Variants in PLEKHA2 observed in about 807,000 individuals in gnomAD.
PLEKHA2 encodes pleckstrin homology domain containing A2.
In PLEKHA2, 28 loss-of-function variants were observed where a neutral mutation model predicts 53.2. The ratio of observed to expected loss-of-function variants is 0.53; its 90% confidence interval spans 0.39 to 0.72. The LOEUF is 0.72. Ranked by LOEUF, PLEKHA2 falls within the 30% of genes least tolerant of loss-of-function variation. The pLI is 0.00. For missense variants in PLEKHA2, 426 were observed against 537.9 expected, an observed-to-expected ratio of 0.79 and a Z score of 2.06; for synonymous variants, 193 against 196.4, an observed-to-expected ratio of 0.98 and a Z score of 0.14.
chr8:38,945,166 A>G (rs1219278607), intron 4 of PLEKHA2, among the ~76,000 whole-genome samples: 1 of 152,368 alleles, frequency 6.6e-6, no homozygotes, highest in Middle Eastern at 3.4e-3. Context: ...ATGTTCTCAC[A>G]GCTGTGCTAA....
rs770387052 is a variant in PLEKHA2 at position 38,969,470 on chromosome 8, G to C, written c.965G>C (p.Ser322Thr). ...TCTTTGACCCGACCTGGAAGCTCCA[G>C]CCTTTCAAGTGGGCCCAACTCTATC... ...SISLTRPGSS[S>T]LSSGPNSILC... The change falls in exon 12 of 12, where the codon AGC becomes ACC. Residue 322 changes from serine to threonine, a missense_variant. Physicochemically the swap from Ser to Thr is moderately conservative, Grantham distance 58. Coordinates refer to ENST00000617275, the MANE Select transcript of PLEKHA2 (RefSeq NM_021623.2). 6 of 1,613,770 alleles carry C rather than the reference G, an allele frequency of 3.7e-6. No homozygotes were observed. In the East Asian group the frequency reaches 1.3e-4, roughly 36 times the overall value.
intron 10 of PLEKHA2, among the ~76,000 whole-genome samples, chr8:38,965,627 A>T (rs1835121986): frequency 6.6e-6 from 1 of 152,102 alleles, no homozygotes; most frequent in African/African-American, 2.4e-5. Context: ...CCTTTTTTTT[A>T]ACCTCCAAAT....
chr8:38,928,810 G>A lies in PLEKHA2; in HGVS notation c.142-7184G>A, dbSNP rs183859524. The stretch of plus-strand genomic sequence containing the variant: ...GAGAATGGGGAGAGTAGCTATCAGC[G>A]TGTCGTGTGTCCCCGCGTTAGCATC... On this transcript the variant is annotated intron_variant, in intron 2 of 11. Transcript: ENST00000617275. Among the ~76,000 whole-genome samples the A allele has an allele frequency of 5.3e-5, 8 of 152,280 alleles. No homozygotes were observed. The South Asian group carries it at 1.4e-3, about 28-fold the overall frequency.
intron 1 of PLEKHA2, among the ~76,000 whole-genome samples, chr8:38,902,543 G>A (rs982578411): frequency 6.6e-6 from 1 of 152,176 alleles, no homozygotes. Context: ...GTGGCTCTGG[G>A]GGCTCTGAAG....
intron 2 of PLEKHA2, among the ~76,000 whole-genome samples, chr8:38,918,799 C>G (rs556834990): frequency 6.6e-6 from 1 of 151,990 alleles, no homozygotes; most frequent in African/African-American, 2.4e-5. Context: ...TACACACATA[C>G]TATACACACC....
rs1269383963 is a variant in PLEKHA2, at chr8:38,971,211, A to T, written c.*1428A>T. On this transcript the variant is annotated 3_prime_UTR_variant, in exon 12 of 12. Transcript: ENST00000617275. Reference sequence around the variant, plus strand: ...CACACTGAGAACTTTTTCTGACTGCACTGCTTTGGAGCTATTCATTTAAAT... The same window carrying T: ...CACACTGAGAACTTTTTCTGACTGCTCTGCTTTGGAGCTATTCATTTAAAT... 1 of 152,452 alleles carries T rather than the reference A, an allele frequency of 6.6e-6. No individual in the cohort carries two copies. The highest frequency in any genetic ancestry group is 1.5e-5 in the Non-Finnish European group (1 of 68,084). 9.4% of individuals were successfully genotyped at this position (152,452 alleles called of 1,614,324 possible).
At chr8:38,958,547 C>T (rs112991094) in intron 10 of PLEKHA2, among the ~76,000 whole-genome samples, 2,117 of 152,260 alleles carry the variant, frequency 0.014, 22 homozygotes, top group Admixed American at 0.026. Flanking sequence ...GAGCCCAGCA[C>T]GTGTTTGAGT....
chr8:38,929,027 T>C (rs1016040039), intron 2 of PLEKHA2, among the ~76,000 whole-genome samples: 16 of 152,180 alleles, frequency 1.1e-4, no homozygotes, highest in African/African-American at 3.9e-4. Flanking sequence ...TGTCACACCG[T>C]TCTCCTACAT....
intron 10 of PLEKHA2, among the ~76,000 whole-genome samples, chr8:38,959,130 A>T (rs1367764701): frequency 6.6e-6 from 1 of 151,980 alleles, no homozygotes; most frequent in Admixed American, 6.6e-5. Context: ...TGGGTAGGGG[A>T]ATACAAAATA....
At position 38,929,421 on chromosome 8, in the gene PLEKHA2, T is replaced by C. The variant is rs541043850; in HGVS notation, c.142-6573T>C. On this transcript the variant is annotated intron_variant, in intron 2 of 11. Coordinates refer to ENST00000617275, the MANE Select transcript of PLEKHA2 (RefSeq NM_021623.2). ...TAACCCTGCTGGTCCTGCTTTTGTA[T>C]TTACCTTTCATTGATAATCAGCTCT... Among the ~76,000 whole-genome samples the C allele has an allele frequency of 5.9e-5, 9 of 152,372 alleles. No individual in the cohort carries two copies. In the South Asian group the frequency reaches 1.9e-3, roughly 32 times the overall value.
chr8:38,930,411 C>T (rs1009084780), intron 2 of PLEKHA2, among the ~76,000 whole-genome samples: 1 of 152,116 alleles, frequency 6.6e-6, no homozygotes, highest in African/African-American at 2.4e-5. Flanking sequence ...ACCATGTTGG[C>T]CAGGCTGGTC....
chr8:38,908,920 G>A (rs1237258426), intron 1 of PLEKHA2, among the ~76,000 whole-genome samples: 1 of 152,162 alleles, frequency 6.6e-6, no homozygotes, highest in Non-Finnish European at 1.5e-5. Context: ...CAAGGTGGGT[G>A]GATCATGATG....
intron 3 of PLEKHA2, 40 bp downstream of exon 3, chr8:38,936,090 A>G: frequency 6.3e-7 from 1 of 1,595,378 alleles, no homozygotes; most frequent in Non-Finnish European, 8.6e-7. Context: ...ATGCTCTGTA[A>G]GTCGATCTGG....
chr8:38,943,300 G>A (rs537997336), intron 3 of PLEKHA2, among the ~76,000 whole-genome samples: 43 of 151,982 alleles, frequency 2.8e-4, no homozygotes, highest in African/African-American at 9.9e-4. Flanking sequence ...GGGCAACATA[G>A]CAAGACCCTG....
intron 3 of PLEKHA2, among the ~76,000 whole-genome samples, chr8:38,939,363 C>G (rs1834555952): frequency 6.6e-6 from 1 of 152,052 alleles, no homozygotes; most frequent in Admixed American, 6.5e-5. Context: ...TGCAGTGAGC[C>G]AATCAGGGCA....
chr8:38,909,532 T>C lies in PLEKHA2; in HGVS notation c.-24+8087T>C, dbSNP rs78049637. Among the ~76,000 whole-genome samples, 98 of 152,326 alleles carry C rather than the reference T, an allele frequency of 6.4e-4. 2 individuals are homozygous for C. In the East Asian group the frequency reaches 0.019, roughly 29 times the overall value. On this transcript the variant is annotated intron_variant, in intron 1 of 11. Coordinates refer to ENST00000617275, the MANE Select transcript of PLEKHA2 (RefSeq NM_021623.2). ...GGGTCTGGGTCCCAGCTGTCTCTTG[T>C]ATATTATGAGCCTTGCAAAGTTATC...
At position 38,971,605 on chromosome 8, in the gene PLEKHA2, T is replaced by C. The variant is rs541281666; in HGVS notation, c.*1822T>C. ...TCACGGAAAAGATGTCCTCTTTTGG[T>C]GTATACATTGTGAAAATCTACCCAT... On this transcript the variant is annotated 3_prime_UTR_variant, in exon 12 of 12. Transcript: ENST00000617275. 6.6e-5 allele frequency: 10 copies of C among 152,208 alleles called. No individual in the cohort carries two copies. The highest frequency in any genetic ancestry group is 2.0e-4 in the Admixed American group (3 of 15,280). The allele number at this position is 152,208 out of a possible 1,614,324, so 9.4% of individuals were successfully genotyped here. A position where few individuals can be genotyped will look rare whatever the true frequency, so the allele number is the denominator to read the frequency against.
At chr8:38,904,508 G>C (rs1049734240) in intron 1 of PLEKHA2, among the ~76,000 whole-genome samples, 2 of 152,232 alleles carry the variant, frequency 1.3e-5, no homozygotes, top group Non-Finnish European at 2.9e-5. Flanking sequence ...CTCTCTGCTG[G>C]TATGATTGCC....
At chr8:38,929,999 G>C (rs368611976) in intron 2 of PLEKHA2, among the ~76,000 whole-genome samples, 2 of 152,178 alleles carry the variant, frequency 1.3e-5, no homozygotes, top group East Asian at 1.9e-4. Context: ...GCTGTTGCTA[G>C]AAAAAGGATT....
Sources: gnomAD v4.1 joint callset for allele counts (sites outside exome capture counted in the v4.1 genomes callset) on GRCh38, gnomAD v4.1.1 for gene constraint, MANE v1.5 for transcripts, NCBI Gene and HGNC (gene_info 2026-07-23, HGNC 2026-07-21) for gene names.